PLEKHG7: variants seen among roughly 807,000 people sequenced by gnomAD.
PLEKHG7 encodes pleckstrin homology and RhoGEF domain containing G7.
In PLEKHG7, 77 loss-of-function variants were observed where a neutral mutation model predicts 85.2. The observed-to-expected ratio is 0.90, with a 90% CI of 0.75 to 1.09. The LOEUF (loss-of-function observed/expected upper bound fraction) is 1.09. Among genes scored for constraint, PLEKHG7 ranks in the 50% least tolerant of loss-of-function variants. The probability of loss-of-function intolerance (pLI) is 0.00; values close to 1 mark genes in which losing one functional copy is unlikely to be tolerated. For synonymous variants in PLEKHG7, 301 were observed against 302.4 expected (o/e 1.00, Z 0.05); for missense variants, 777 against 804.3 (o/e 0.97, Z 0.41).
chr12:92,717,298 AAAAC>A (rs759362615), intron 3 of PLEKHG7, among the ~76,000 whole-genome samples: 10 of 152,376 alleles, frequency 6.6e-5, no homozygotes, highest in African/African-American at 9.6e-5. Context: ...TCTTGAGGAA[AAAAC>A]AAACAAAGAA....
At chr12:92,725,139 T>C (rs1346676225) in intron 3 of PLEKHG7, among the ~76,000 whole-genome samples, 2 of 152,128 alleles carry the variant, frequency 1.3e-5, no homozygotes, top group African/African-American at 4.8e-5. Flanking sequence ...CTGAATCTCA[T>C]AGTATGACTA....
chr12:92,711,917 G>A (rs755745551), intron 3 of PLEKHG7, among the ~76,000 whole-genome samples: 1 of 152,188 alleles, frequency 6.6e-6, no homozygotes, highest in African/African-American at 2.4e-5. Flanking sequence ...TGAGGAATGT[G>A]TTGCCTCCAA....
At chr12:92,725,097 G>A (rs571644966) in intron 3 of PLEKHG7, among the ~76,000 whole-genome samples, 1 of 152,198 alleles carries the variant, frequency 6.6e-6, no homozygotes, top group South Asian at 2.1e-4. Context: ...GCCCCTTTGT[G>A]ATTATCTCCT....
chr12:92,705,062 T>C (rs1356923367), intron 1 of PLEKHG7, among the ~76,000 whole-genome samples: 1 of 152,194 alleles, frequency 6.6e-6, no homozygotes, highest in Non-Finnish European at 1.5e-5. Flanking sequence ...CTTCTATGAC[T>C]GACACAGATT....
intron 7 of PLEKHG7, among the ~76,000 whole-genome samples, chr12:92,738,726 C>A (rs1222076331): frequency 6.6e-6 from 1 of 152,142 alleles, no homozygotes; most frequent in East Asian, 1.9e-4. Context: ...ATGACAATAC[C>A]ATCCCTGGCT....
intron 3 of PLEKHG7, among the ~76,000 whole-genome samples, chr12:92,721,284 C>G (rs904408): frequency 0.91 from 139,027 of 152,182 alleles, 63,712 homozygotes; most frequent in African/African-American, 0.97. Context: ...CAGCACGTGA[C>G]AGCTGCCTCA....
At chr12:92,707,397 A>T in intron 2 of PLEKHG7, 1 of 1,428,624 alleles carries the variant, frequency 7.0e-7, no homozygotes, top group African/African-American at 1.4e-5. Flanking sequence ...CACCAAGGCC[A>T]GGCTTACCGA....
rs536528526 is a variant in PLEKHG7 at position 92,705,825 on chromosome 12, T to C, written c.-161-646T>C. On this transcript the variant is annotated intron_variant, in intron 1 of 16. Coordinates refer to ENST00000344636, the MANE Select transcript of PLEKHG7 (RefSeq NM_001377329.1). ...TGTGAAATGGAAGGGTCAGCTTTTC[T>C]TGAGCATGAGAAGAGATAATTCTGC... Among the ~76,000 whole-genome samples, 7 of 152,356 alleles carry C rather than the reference T, an allele frequency of 4.6e-5. No individual in the cohort carries two copies. In the South Asian group the frequency reaches 1.5e-3, roughly 32 times the overall value.
chr12:92,745,348 G>C (rs1872501537), intron 9 of PLEKHG7, 130 bp from the exon 10 acceptor site: 2 of 627,916 alleles, frequency 3.2e-6, no homozygotes, highest in Admixed American at 2.7e-5. Flanking sequence ...TGTGGCGCCT[G>C]CTTGATCATG....
chr12:92,764,087 C>G lies in PLEKHG7; in HGVS notation c.1763C>G (p.Pro588Arg). The G allele has an allele frequency of 6.2e-7, 1 of 1,612,662 alleles. No homozygotes were observed. The highest frequency in any genetic ancestry group is 8.5e-7 in the Non-Finnish European group (1 of 1,179,274). Residue 588 changes from proline (P) to arginine (R), a missense_variant, in exon 15 of 17, where the codon CCT becomes CGT. Around this residue, in one of 3 missense-constraint regions of PLEKHG7, gnomAD observed 520 missense variants for 544.0 expected, o/e 0.96. Transcript: ENST00000344636. Reference sequence around the variant, plus strand: ...GGTTTAATGTGTCCTTCTCTTACTCCTGAGTTGCAAGCAGTAATAAAAGAG... The same window carrying G: ...GGTTTAATGTGTCCTTCTCTTACTCGTGAGTTGCAAGCAGTAATAAAAGAG... Reference protein sequence around the residue: ...DPGLMCPSLTPELQAVIKEGG... With the variant: ...DPGLMCPSLTRELQAVIKEGG...
At position 92,712,918 on chromosome 12, in the gene PLEKHG7, A is replaced by G. The variant is rs367759785; in HGVS notation, c.530+5246A>G. Reference sequence around the variant, plus strand: ...CTACTTTAACTGGAGGACCACAATGATGTTTTGGGTTCCCTGGAATCAACC... The same window carrying G: ...CTACTTTAACTGGAGGACCACAATGGTGTTTTGGGTTCCCTGGAATCAACC... On this transcript the variant is annotated intron_variant, in intron 3 of 16. Transcript: ENST00000344636. 6.9e-4 allele frequency among the ~76,000 whole-genome samples: 105 copies of G among 152,246 alleles called. 1 individual carries two copies. In the South Asian group the frequency reaches 0.022, roughly 31 times the overall value.
intron 9 of PLEKHG7, among the ~76,000 whole-genome samples, chr12:92,743,296 C>T (rs1325848948): frequency 6.6e-6 from 1 of 152,176 alleles, no homozygotes. Context: ...TTCATCAGTA[C>T]ATGGCCAAGC....
intron 7 of PLEKHG7, among the ~76,000 whole-genome samples, chr12:92,739,726 A>G (rs918494106): frequency 3.9e-5 from 6 of 152,196 alleles, no homozygotes; most frequent in Non-Finnish European, 8.8e-5. Context: ...TTTTTTTTAA[A>G]TAGCAAAATT....
At chr12:92,721,054 A>G (rs1405551636) in intron 3 of PLEKHG7, among the ~76,000 whole-genome samples, 1 of 152,226 alleles carries the variant, frequency 6.6e-6, no homozygotes. Flanking sequence ...GGTCTAAAAT[A>G]AGAACAGTAA....
At chr12:92,729,804 A>G (rs1871931651) in intron 4 of PLEKHG7, among the ~76,000 whole-genome samples, 1 of 152,142 alleles carries the variant, frequency 6.6e-6, no homozygotes, top group Non-Finnish European at 1.5e-5. Flanking sequence ...TGGAAATCCA[A>G]TGTATAAAAC....
At chr12:92,722,428 T>C (rs999008769) in intron 3 of PLEKHG7, among the ~76,000 whole-genome samples, 7 of 152,206 alleles carry the variant, frequency 4.6e-5, no homozygotes, top group Non-Finnish European at 1.0e-4. Flanking sequence ...ATGAACAAAA[T>C]ATATTTCATG....
intron 3 of PLEKHG7, among the ~76,000 whole-genome samples, chr12:92,720,656 G>A (rs117496515): frequency 0.013 from 2,015 of 152,214 alleles, 22 homozygotes; most frequent in Middle Eastern, 0.037. Context: ...GACATTTGTC[G>A]TTGGATTTAG....
At chr12:92,734,146 T>G (rs1273021491) in intron 5 of PLEKHG7, among the ~76,000 whole-genome samples, 1 of 152,212 alleles carries the variant, frequency 6.6e-6, no homozygotes. Flanking sequence ...CTTCTTTCAT[T>G]TATCCTCTTA....
intron 7 of PLEKHG7, among the ~76,000 whole-genome samples, chr12:92,738,332 C>G (rs567509181): frequency 5.8e-4 from 88 of 152,274 alleles, no homozygotes; most frequent in African/African-American, 2.0e-3. Flanking sequence ...ACACAGCTCC[C>G]AAGGTTGCCT....
Sources: allele counts gnomAD v4.1 joint callset (sites outside exome capture counted in the v4.1 genomes callset), GRCh38; gene constraint gnomAD v4.1.1; regional missense constraint gnomAD v4.1.1; transcripts MANE v1.5; gene names NCBI Gene and HGNC (gene_info 2026-07-23, HGNC 2026-07-21).